The following CDH4 variants were observed in gnomAD, a reference collection of about 807,000 sequenced individuals.
CDH4 encodes the protein cadherin 4, also known as cadherin-4.
CDH4 carries 33 observed loss-of-function variants against 86.0 expected under a neutral mutation model. The observed-to-expected ratio is 0.38, with a 90% CI of 0.29 to 0.51. The LOEUF is 0.51. CDH4 is among the 20% of genes least tolerant of loss of function. The pLI is 0.86. For missense variants in CDH4, 1,114 were observed against 1,307.4 expected (o/e 0.85, Z 2.28); for synonymous variants, 555 against 549.4 (o/e 1.01, Z -0.14).
At chr20:61,284,240 G>T (rs544091253) in intron 2 of CDH4, among the ~76,000 whole-genome samples, 18 of 152,174 alleles carry the variant, frequency 1.2e-4, no homozygotes, top group African/African-American at 4.1e-4. Flanking sequence ...CTTGAACCCG[G>T]GAGGCATAGC....
intron 4 of CDH4, among the ~76,000 whole-genome samples, chr20:61,773,772 C>T (rs1222977869): frequency 6.6e-6 from 1 of 152,152 alleles, no homozygotes; most frequent in Non-Finnish European, 1.5e-5. Context: ...AAAAGGATGG[C>T]GAGAATTCCA....
At chr20:61,777,449 G>A (rs544940247) in intron 4 of CDH4, among the ~76,000 whole-genome samples, 2 of 152,382 alleles carry the variant, frequency 1.3e-5, no homozygotes, top group South Asian at 4.1e-4. Flanking sequence ...CCATCCAAAG[G>A]AAGGCGGAGT....
intron 2 of CDH4, among the ~76,000 whole-genome samples, chr20:61,493,355 C>A (rs1406760968): frequency 6.6e-6 from 1 of 152,180 alleles, no homozygotes; most frequent in African/African-American, 2.4e-5. Context: ...CTGGACAATG[C>A]CCACAAGTAA....
chr20:61,317,787 G>A (rs530663176), intron 2 of CDH4, among the ~76,000 whole-genome samples: 26 of 152,280 alleles, frequency 1.7e-4, no homozygotes, highest in African/African-American at 5.1e-4. Flanking sequence ...GCACTTCTGG[G>A]AAGCGTTTTT....
At chr20:61,383,409 T>C (rs1211916444) in intron 2 of CDH4, among the ~76,000 whole-genome samples, 1 of 101,820 alleles carries the variant, frequency 9.8e-6, no homozygotes, top group Non-Finnish European at 1.8e-5. Flanking sequence ...TATATGAATA[T>C]ATATGATATA....
chr20:61,850,449 G>A (rs1201154580), intron 5 of CDH4, among the ~76,000 whole-genome samples: 6 of 152,128 alleles, frequency 3.9e-5, no homozygotes, highest in Non-Finnish European at 8.8e-5. Context: ...GCCTTGGAGG[G>A]AACCCACACC....
intron 2 of CDH4, among the ~76,000 whole-genome samples, chr20:61,660,795 C>T (rs545453568): frequency 5.3e-5 from 8 of 152,198 alleles, no homozygotes; most frequent in Admixed American, 2.0e-4. Context: ...GTAGGTGCTT[C>T]GTGGAGATAC....
At chr20:61,354,094 G>C (rs887575767) in intron 2 of CDH4, among the ~76,000 whole-genome samples, 1 of 152,040 alleles carries the variant, frequency 6.6e-6, no homozygotes, top group Non-Finnish European at 1.5e-5. Flanking sequence ...ATTCGAGAAC[G>C]TCTAGGGATG....
chr20:61,928,106 TTGTG>T, intron 11 of CDH4, 80 bp from the exon 12 acceptor site: 1 of 1,045,018 alleles, frequency 9.6e-7, no homozygotes, highest in Non-Finnish European at 1.5e-6. Flanking sequence ...ACGTGGTTGT[TTGTG>T]TGCGTGTCCT....
chr20:61,719,213 G>A (rs760495499), intron 2 of CDH4: 61 of 426,452 alleles, frequency 1.4e-4, no homozygotes, highest in Non-Finnish European at 2.7e-4. Flanking sequence ...AGTCTTGGTA[G>A]TTTTTGTTCA....
At chr20:61,886,002 G>A (rs555728152) in intron 7 of CDH4, among the ~76,000 whole-genome samples, 3 of 152,370 alleles carry the variant, frequency 2.0e-5, no homozygotes, top group East Asian at 3.9e-4. Context: ...TGCTGGGACT[G>A]GCTCTGGCTC....
intron 8 of CDH4, among the ~76,000 whole-genome samples, chr20:61,905,834 G>A (rs1255376086): frequency 6.6e-6 from 1 of 151,944 alleles, no homozygotes; most frequent in Non-Finnish European, 1.5e-5. Context: ...GAACCAGGAA[G>A]CCTCACTAAT....
Position 61,501,774 on chromosome 20 carries a change from G to A in CDH4, c.170-241789G>A, listed in dbSNP as rs528544426. ...GTTAGGGAGCCACTCATTATGGGAC[G>A]GACCACCAGACGCGACTAATGAAAC... On this transcript the variant is annotated intron_variant, in intron 2 of 15. Transcript: ENST00000614565. The surrounding 1 kb of genome is among the most constrained non-coding windows in gnomAD (Gnocchi z 4.2). Among the ~76,000 whole-genome samples the A allele has an allele frequency of 2.6e-5, 4 of 152,192 alleles. No homozygotes were observed. The South Asian group carries it at 8.3e-4, about 32-fold the overall frequency.
At chr20:61,844,861 G>A in intron 5 of CDH4, 38 bp downstream of exon 5, 1 of 1,581,948 alleles carries the variant, frequency 6.3e-7, no homozygotes, top group South Asian at 1.1e-5. Flanking sequence ...GGGCCCTGGG[G>A]TGGCGATCCC....
At chr20:61,490,096 A>G (rs1469170494) in intron 2 of CDH4, among the ~76,000 whole-genome samples, 3 of 152,244 alleles carry the variant, frequency 2.0e-5, no homozygotes, top group African/African-American at 7.2e-5. Context: ...AATCAAATGG[A>G]CATCTAATCT....
At chr20:61,331,379 T>G (rs912339379) in intron 2 of CDH4, among the ~76,000 whole-genome samples, 2 of 152,058 alleles carry the variant, frequency 1.3e-5, no homozygotes, top group African/African-American at 4.8e-5. Context: ...GCTTAGCCTC[T>G]GTGTCCAGTC....
chr20:61,620,607 ATAG>A (rs1189066156), intron 2 of CDH4, among the ~76,000 whole-genome samples: 1 of 152,242 alleles, frequency 6.6e-6, no homozygotes, highest in African/African-American at 2.4e-5. Context: ...AGCAGGAAAA[ATAG>A]TGGTGAAAAT....
At chr20:61,798,174 C>CCCCTG (rs1555840177) in intron 4 of CDH4, among the ~76,000 whole-genome samples, 1 of 150,552 alleles carries the variant, frequency 6.6e-6, no homozygotes, top group Non-Finnish European at 1.5e-5. Context: ...GCAGCCATAA[C>CCCCTG]CCCCGCCCCG....
intron 2 of CDH4, among the ~76,000 whole-genome samples, chr20:61,603,776 C>G (rs559237911): frequency 6.6e-6 from 1 of 152,218 alleles, no homozygotes; most frequent in South Asian, 2.1e-4. Flanking sequence ...TAGGTGTTCT[C>G]CAGGTAGAAT....
Sources: gnomAD v4.1 joint callset for allele counts (sites outside exome capture counted in the v4.1 genomes callset) on GRCh38, gnomAD v4.1.1 for gene constraint, Gnocchi (gnomAD v3.1) non-coding constraint, MANE v1.5 for transcripts, NCBI Gene and HGNC (gene_info 2026-07-23, HGNC 2026-07-21) for gene names.